CAMTA1: variants seen among roughly 807,000 people sequenced by gnomAD.
The protein encoded by CAMTA1 is calmodulin-binding transcription activator 1.
Under a neutral mutation model 170.9 loss-of-function variants are expected in CAMTA1, and 27 were observed. The ratio of observed to expected loss-of-function variants is 0.16; its 90% CI spans 0.12 to 0.22. The LOEUF is 0.22. Ranked by LOEUF, CAMTA1 falls within the 10% of genes least tolerant of loss-of-function variation. The probability of loss-of-function intolerance (pLI) is 1.00; values close to 1 mark genes in which losing one functional copy is unlikely to be tolerated. For missense variants in CAMTA1, 1,619 were observed against 2,217.2 expected (o/e 0.73, Z 5.42); for synonymous variants, 833 against 891.5 (o/e 0.93, Z 1.17).
At chr1:7,372,044 C>T (rs1487019944) in intron 5 of CAMTA1, among the ~76,000 whole-genome samples, 1 of 152,210 alleles carries the variant, frequency 6.6e-6, no homozygotes, top group Non-Finnish European at 1.5e-5. Flanking sequence ...CTGTTGCACC[C>T]CTGCCCCACC....
At chr1:7,726,641 TTAC>T (rs1366700334) in intron 11 of CAMTA1, among the ~76,000 whole-genome samples, 10 of 152,218 alleles carry the variant, frequency 6.6e-5, no homozygotes, top group Admixed American at 6.5e-4. Context: ...CCAGCCTGTG[TTAC>T]TAGAAACAGG....
Position 7,561,378 on chromosome 1 carries a change from C to G in CAMTA1, c.511-79022C>G, listed in dbSNP as rs1041929771. Among the ~76,000 whole-genome samples, 6 of 151,834 alleles carry G rather than the reference C, an allele frequency of 4.0e-5. No homozygotes were observed. Among genetic ancestry groups the G allele is most frequent in the African/African-American group, 1.5e-4 (6 of 41,352 alleles). Reference sequence around the variant, plus strand: ...GACAGGCAGAGAGGCCGGCGGGCAGCAGGCCAATGGGCCAGGCAGGTGGGG... The same window carrying G: ...GACAGGCAGAGAGGCCGGCGGGCAGGAGGCCAATGGGCCAGGCAGGTGGGG... On this transcript the variant is annotated intron_variant, in intron 6 of 22. Coordinates refer to ENST00000303635, the MANE Select transcript of CAMTA1 (RefSeq NM_015215.4). The surrounding 1 kb of genome is among the most constrained non-coding windows in gnomAD (Gnocchi z 5.3).
intron 3 of CAMTA1, among the ~76,000 whole-genome samples, chr1:6,866,206 G>A (rs1024373010): frequency 6.6e-6 from 1 of 152,194 alleles, no homozygotes; most frequent in African/African-American, 2.4e-5. Context: ...TATCAAAAAC[G>A]TAAATTCCTT....
intron 6 of CAMTA1, among the ~76,000 whole-genome samples, chr1:7,622,041 A>G (rs2095602312): frequency 6.6e-6 from 1 of 152,216 alleles, no homozygotes; most frequent in Admixed American, 6.5e-5. Context: ...CAAAGACAGA[A>G]ACCAAAAACC....
At chr1:6,886,141 G>A (rs1673150832) in intron 3 of CAMTA1, 2 of 448,042 alleles carry the variant, frequency 4.5e-6, no homozygotes, top group African/African-American at 2.0e-5. Flanking sequence ...GGATGGATGG[G>A]GGAAGTGACA....
intron 3 of CAMTA1, among the ~76,000 whole-genome samples, chr1:6,913,273 C>T (rs1185115624): frequency 6.6e-6 from 1 of 152,170 alleles, no homozygotes; most frequent in East Asian, 1.9e-4. Flanking sequence ...AGTTGGCCTC[C>T]CCACCCTCCG....
intron 3 of CAMTA1, among the ~76,000 whole-genome samples, chr1:6,902,072 C>CAAAAAAAAA (rs1553180442): frequency 2.3e-5 from 2 of 88,470 alleles, no homozygotes; most frequent in East Asian, 2.7e-4. Flanking sequence ...CACACACACA[C>CAAAAAAAAA]AAAAAAAAAA....
chr1:7,558,004 C>A (rs2094902790), intron 6 of CAMTA1, among the ~76,000 whole-genome samples: 1 of 152,176 alleles, frequency 6.6e-6, no homozygotes. Flanking sequence ...CGGCTCTGGG[C>A]TCTGTGCCTC....
intron 21 of CAMTA1, among the ~76,000 whole-genome samples, chr1:7,754,348 C>T (rs1231124787): frequency 6.6e-6 from 1 of 152,222 alleles, no homozygotes; most frequent in Non-Finnish European, 1.5e-5. Flanking sequence ...ACTTTTTCCT[C>T]CTTTCTTCTA....
rs934711270 is a variant in CAMTA1 at position 7,234,611 on chromosome 1, G to C, written c.303-14880G>C. 2.0e-5 allele frequency among the ~76,000 whole-genome samples: 3 copies of C among 152,190 alleles called. No homozygotes were observed. Among genetic ancestry groups the C allele is most frequent in the South Asian group, 4.1e-4 (2 of 4,830 alleles). On this transcript the variant is annotated intron_variant, in intron 4 of 22. Coordinates refer to ENST00000303635, the MANE Select transcript of CAMTA1 (RefSeq NM_015215.4). This position sits in a 1 kb window ranked among gnomAD's most constrained non-coding sequence, Gnocchi z 5.0. ...GCGTAGAGTTTCAAGCCGAGGCCCTGGGAGCCCTGGGAAGGTGCCATGAAG... is the reference window on the plus strand; with the variant it reads ...GCGTAGAGTTTCAAGCCGAGGCCCTCGGAGCCCTGGGAAGGTGCCATGAAG...
chr1:6,996,232 T>C (rs1287776007), intron 3 of CAMTA1, among the ~76,000 whole-genome samples: 2 of 152,238 alleles, frequency 1.3e-5, no homozygotes, highest in African/African-American at 4.8e-5. Context: ...GAGTTGCATT[T>C]TTCTGCTCAT....
At chr1:6,892,863 T>C (rs1674827378) in intron 3 of CAMTA1, among the ~76,000 whole-genome samples, 1 of 152,092 alleles carries the variant, frequency 6.6e-6, no homozygotes, top group South Asian at 2.1e-4. Flanking sequence ...TGTTTTGTTT[T>C]AAATCAACAA....
At chr1:7,047,179 G>A (rs1449976490) in intron 3 of CAMTA1, among the ~76,000 whole-genome samples, 1 of 152,200 alleles carries the variant, frequency 6.6e-6, no homozygotes, top group Non-Finnish European at 1.5e-5. Flanking sequence ...CCCACAACAT[G>A]CAGGGGATGT....
intron 4 of CAMTA1, among the ~76,000 whole-genome samples, chr1:7,117,954 T>C (rs1157887811): frequency 6.6e-6 from 1 of 152,158 alleles, no homozygotes; most frequent in Non-Finnish European, 1.5e-5. Context: ...CTGTTCTGTG[T>C]CCCAGCCCTT....
chr1:7,760,138 CA>C (rs1211009077), intron 22 of CAMTA1, among the ~76,000 whole-genome samples: 4 of 152,212 alleles, frequency 2.6e-5, no homozygotes, highest in African/African-American at 9.6e-5. Context: ...TTTACTGGAA[CA>C]AAACCTTAAT....
At chr1:7,501,148 T>C (rs1436629254) in intron 6 of CAMTA1, among the ~76,000 whole-genome samples, 1 of 152,006 alleles carries the variant, frequency 6.6e-6, no homozygotes, top group African/African-American at 2.4e-5. Flanking sequence ...GTAAGCAGGT[T>C]CTAGGGCATT....
chr1:7,430,788 C>T (rs2092121755), intron 5 of CAMTA1, among the ~76,000 whole-genome samples: 2 of 152,160 alleles, frequency 1.3e-5, no homozygotes, highest in African/African-American at 2.4e-5. Context: ...AGTAAAGGCA[C>T]CAAGTAAAAT....
At position 7,641,635 on chromosome 1, in the gene CAMTA1, A is replaced by C. The variant is rs1311385884; in HGVS notation, c.664+1082A>C. On this transcript the variant is annotated intron_variant, in intron 7 of 22. Coordinates refer to ENST00000303635, the MANE Select transcript of CAMTA1 (RefSeq NM_015215.4). This position sits in a 1 kb window ranked among gnomAD's most constrained non-coding sequence, Gnocchi z 4.5. ...TGGGGATGAGGGTCAGGAGGGACAG[A>C]GGGGTCTGTGTGGCAAGGGAGGCCC... Among the ~76,000 whole-genome samples the C allele has an allele frequency of 1.3e-5, 2 of 151,986 alleles. No homozygotes were observed. Among genetic ancestry groups the C allele is most frequent in the Non-Finnish European group, 2.9e-5 (2 of 67,952 alleles).
chr1:7,450,520 G>A (rs533132265), intron 5 of CAMTA1, among the ~76,000 whole-genome samples: 1 of 152,348 alleles, frequency 6.6e-6, no homozygotes, highest in Admixed American at 6.5e-5. Flanking sequence ...CAGACCAGAT[G>A]CAGAAGTAGA....
Sources: allele counts gnomAD v4.1 joint callset (sites outside exome capture counted in the v4.1 genomes callset), GRCh38; gene constraint gnomAD v4.1.1; non-coding constraint Gnocchi (gnomAD v3.1); transcripts MANE v1.5; gene names NCBI Gene and HGNC (gene_info 2026-07-23, HGNC 2026-07-21).